KCNC1: variants seen among roughly 807,000 people sequenced by gnomAD.
KCNC1 encodes the protein voltage-gated potassium channel KCNC1.
A neutral mutation model predicts 43.4 loss-of-function variants in KCNC1; 8 were observed. The ratio of observed to expected loss-of-function variants is 0.18; its 90% confidence interval spans 0.11 to 0.33. The LOEUF (loss-of-function observed/expected upper bound fraction) is 0.33. KCNC1 is among the 10% of genes least tolerant of loss of function. KCNC1 has a pLI of 1.00. For synonymous variants in KCNC1, 361 were observed against 360.5 expected (o/e 1.00, Z -0.01); for missense variants, 420 against 836.0 (o/e 0.50, Z 6.14).
intron 1 of KCNC1, among the ~76,000 whole-genome samples, chr11:17,744,575 G>A (rs146088138): frequency 4.6e-5 from 7 of 152,294 alleles, no homozygotes; most frequent in African/African-American, 7.2e-5. Flanking sequence ...CCCATTGCCC[G>A]CTTCTCCAGG....
chr11:17,758,039 A>G (rs1849040463), intron 1 of KCNC1, among the ~76,000 whole-genome samples: 1 of 152,274 alleles, frequency 6.6e-6, no homozygotes, highest in Non-Finnish European at 1.5e-5. Context: ...ACAGCATTCC[A>G]TCCACAGTAG....
At position 17,776,208 on chromosome 11, in the gene KCNC1, C is replaced by T. The variant is rs1010213239; in HGVS notation, c.1505-3248C>T. 1.0e-6 allele frequency: 1 copy of T among 985,342 alleles called. No individual in the cohort carries two copies. The highest frequency in any genetic ancestry group is 1.2e-6 in the Non-Finnish European group (1 of 829,958). 61.0% of individuals were successfully genotyped at this position (985,342 alleles called of 1,614,324 possible). A position where few individuals can be genotyped will look rare whatever the true frequency, so the allele number is the denominator to read the frequency against. On this transcript the variant is annotated intron_variant, in intron 2 of 3. Transcript: ENST00000265969. This position sits in a 1 kb window ranked among gnomAD's most constrained non-coding sequence, Gnocchi z 4.4. ...TTTTCTCTCTTTCTCTCTCTCTCCA[C>T]TAATCATGTTTCTCTCTCTCTCCTC...
intron 1 of KCNC1, among the ~76,000 whole-genome samples, chr11:17,769,066 G>T (rs1009599242): frequency 2.6e-5 from 4 of 152,234 alleles, no homozygotes; most frequent in African/African-American, 7.2e-5. Flanking sequence ...GGATCTGGGA[G>T]CCATGGCTTT....
chr11:17,746,944 T>TGTTAA (rs1848906089), intron 1 of KCNC1, among the ~76,000 whole-genome samples: 1 of 152,210 alleles, frequency 6.6e-6, no homozygotes, highest in African/African-American at 2.4e-5. Flanking sequence ...GGATCCAATG[T>TGTTAA]GTTAAGCACT....
At chr11:17,763,792 T>TAC (rs1194309093) in intron 1 of KCNC1, among the ~76,000 whole-genome samples, 26 of 47,964 alleles carry the variant, frequency 5.4e-4, no homozygotes, top group Non-Finnish European at 8.6e-4. Flanking sequence ...ACACACACAA[T>TAC]ACACACACAC....
At chr11:17,748,413 A>G (rs1353624144) in intron 1 of KCNC1, among the ~76,000 whole-genome samples, 1 of 150,038 alleles carries the variant, frequency 6.7e-6, no homozygotes, top group Admixed American at 6.6e-5. Flanking sequence ...ACACAGACAG[A>G]AAGATGGAGG....
At position 17,742,976 on chromosome 11, in the gene KCNC1, A is replaced by G. The variant is rs1275351850; in HGVS notation, c.570+6404A>G. On this transcript the variant is annotated intron_variant, in intron 1 of 3. Transcript: ENST00000265969. This position sits in a 1 kb window ranked among gnomAD's most constrained non-coding sequence, Gnocchi z 4.2. ...CAAGGACACGGCACAGCTGATTGAGACCTTCTCACGTCAGCCAACCCAGAC... is the reference window on the plus strand; with the variant it reads ...CAAGGACACGGCACAGCTGATTGAGGCCTTCTCACGTCAGCCAACCCAGAC... Among the ~76,000 whole-genome samples, 2 of 152,130 alleles carry G rather than the reference A, an allele frequency of 1.3e-5. No homozygotes were observed. Among genetic ancestry groups the G allele is most frequent in the Non-Finnish European group, 1.5e-5 (1 of 68,020 alleles).
At position 17,759,579 on chromosome 11, in the gene KCNC1, T is replaced by C. The variant is rs950597696; in HGVS notation, c.571-12086T>C. On this transcript the variant is annotated intron_variant, in intron 1 of 3. Transcript: ENST00000265969. Reference sequence around the variant, plus strand: ...AAAGTGAGAGGCATGAAACTCTTCCTTTCACTAGACCACCTAGAGACCATT... The same window carrying C: ...AAAGTGAGAGGCATGAAACTCTTCCCTTCACTAGACCACCTAGAGACCATT... Among the ~76,000 whole-genome samples the C allele has an allele frequency of 3.3e-5, 5 of 152,270 alleles. No individual in the cohort carries two copies. In the East Asian group the frequency reaches 9.7e-4, roughly 29 times the overall value.
chr11:17,736,347 C>T lies in KCNC1; in HGVS notation c.345C>T (p.Ala115=). 5 of 1,612,936 alleles carry T rather than the reference C, an allele frequency of 3.1e-6. No individual in the cohort carries two copies. The highest frequency in any genetic ancestry group is 1.3e-5 in the African/African-American group (1 of 75,038). ...CWMTYRQHRD[A]EEALDSFGGA... ...TGACGTACCGCCAGCACCGCGACGCCGAGGAGGCTCTGGACAGCTTCGGCG... is the reference window on the plus strand; with the variant it reads ...TGACGTACCGCCAGCACCGCGACGCTGAGGAGGCTCTGGACAGCTTCGGCG... The change falls in exon 1 of 4, where the codon GCC becomes GCT. Residue 115 remains alanine, a synonymous_variant. Transcript: ENST00000265969. The surrounding 1 kb of genome is among the most constrained non-coding windows in gnomAD (Gnocchi z 9.3).
rs554985064 is a variant in KCNC1, at chr11:17,782,196, G to A, written c.*462G>A. 1.4e-4 allele frequency: 21 copies of A among 154,918 alleles called. No individual in the cohort carries two copies. In the South Asian group the frequency reaches 4.3e-3, roughly 32 times the overall value. The allele number at this position is 154,918 out of a possible 1,614,324, so 9.6% of individuals were successfully genotyped here. On this transcript the variant is annotated 3_prime_UTR_variant, in exon 4 of 4. Coordinates refer to ENST00000265969, the MANE Select transcript of KCNC1 (RefSeq NM_001112741.2). ...ACCTGTACATTTCTGGGGGTGAGGG[G>A]CGAGGGGAGGAGGGACAGAGATGGG...
intron 1 of KCNC1, among the ~76,000 whole-genome samples, chr11:17,749,268 G>A (rs1426302973): frequency 6.6e-6 from 1 of 152,262 alleles, no homozygotes; most frequent in African/African-American, 2.4e-5. Context: ...TGCACTGCGA[G>A]CACTGGTGCG....
chr11:17,777,034 T>TGCCA lies in KCNC1; in HGVS notation c.1505-2420_1505-2417dup. On this transcript the variant is annotated intron_variant, in intron 2 of 3. Transcript: ENST00000265969. The surrounding 1 kb of genome is among the most constrained non-coding windows in gnomAD (Gnocchi z 4.3). ...CCGGGAATCCCCCAGGAGGGAAAGG[T>TGCCA]GCCAGGCTATCATCCCTCCAGGGAT... The TGCCA allele has an allele frequency of 1.0e-6, 1 of 985,104 alleles. No homozygotes were observed. Among genetic ancestry groups the TGCCA allele is most frequent in the Non-Finnish European group, 1.2e-6 (1 of 829,892 alleles). 61.0% of individuals were successfully genotyped at this position (985,104 alleles called of 1,614,324 possible). A position where few individuals can be genotyped will look rare whatever the true frequency, so the allele number is the denominator to read the frequency against.
At chr11:17,737,405 T>C (rs556338740) in intron 1 of KCNC1, among the ~76,000 whole-genome samples, 1 of 152,080 alleles carries the variant, frequency 6.6e-6, no homozygotes, top group East Asian at 1.9e-4. Flanking sequence ...AGAAGGTGTG[T>C]GAGAGGTGGG....
At chr11:17,755,456 A>T (rs1358549482) in intron 1 of KCNC1, among the ~76,000 whole-genome samples, 1 of 152,100 alleles carries the variant, frequency 6.6e-6, no homozygotes, top group Non-Finnish European at 1.5e-5. Flanking sequence ...CTGGTCTATT[A>T]CCATGACCCG....
chr11:17,776,653 C>T lies in KCNC1; in HGVS notation c.1505-2803C>T, dbSNP rs1590108669. 2.0e-6 allele frequency: 2 copies of T among 985,346 alleles called. No homozygotes were observed. The highest frequency in any genetic ancestry group is 2.4e-6 in the Non-Finnish European group (2 of 829,912). The allele number at this position is 985,346 out of a possible 1,614,324, so 61.0% of individuals were successfully genotyped here. A position where few individuals can be genotyped will look rare whatever the true frequency, so the allele number is the denominator to read the frequency against. ...TGTGGGTCTAGTGGGGGCCTGGGGG[C>T]CCTGGGCTGGGGGAGGCAGGGCCCC... On this transcript the variant is annotated intron_variant, in intron 2 of 3. Transcript: ENST00000265969. This position sits in a 1 kb window ranked among gnomAD's most constrained non-coding sequence, Gnocchi z 4.4.
intron 1 of KCNC1, among the ~76,000 whole-genome samples, chr11:17,757,304 G>T (rs916888283): frequency 6.6e-6 from 1 of 152,200 alleles, no homozygotes; most frequent in African/African-American, 2.4e-5. Context: ...GCCCGAGGAA[G>T]CCTGGCCTGC....
chr11:17,774,021 A>T, intron 2 of KCNC1: 1 of 985,406 alleles, frequency 1.0e-6, no homozygotes, highest in East Asian at 1.1e-4. Flanking sequence ...ACCCCATCCC[A>T]ATCCTCTTCT....
chr11:17,749,467 C>T (rs772152614), intron 1 of KCNC1, among the ~76,000 whole-genome samples: 2 of 152,234 alleles, frequency 1.3e-5, no homozygotes, highest in East Asian at 1.9e-4. Flanking sequence ...ACCTTCTCTG[C>T]CCACATAGGT....
rs1294173097 is a variant in KCNC1, at chr11:17,771,706, C to A, written c.612C>A (p.Ile204=). ...CCCTCTTCTTCATCCTGGTCTCCAT[C>A]ACCACCTTCTGCCTGGAGACCCACG... ...FASLFFILVS[I]TTFCLETHER... Residue 204 remains isoleucine, a synonymous_variant, in exon 2 of 4, where the codon ATC becomes ATA. Coordinates refer to ENST00000265969, the MANE Select transcript of KCNC1 (RefSeq NM_001112741.2). The surrounding 1 kb of genome is among the most constrained non-coding windows in gnomAD (Gnocchi z 4.7). 1 of 1,612,658 alleles carries A rather than the reference C, an allele frequency of 6.2e-7. No individual in the cohort carries two copies. The highest frequency in any genetic ancestry group is 8.5e-7 in the Non-Finnish European group (1 of 1,178,666).
Sources: allele counts gnomAD v4.1 joint callset (sites outside exome capture counted in the v4.1 genomes callset), GRCh38; gene constraint gnomAD v4.1.1; non-coding constraint Gnocchi (gnomAD v3.1); transcripts MANE v1.5; gene names NCBI Gene and HGNC (gene_info 2026-07-23, HGNC 2026-07-21).